Variants in IGF2BP3 observed in about 807,000 individuals in gnomAD.
The protein encoded by IGF2BP3 is insulin like growth factor 2 mRNA binding protein 3, also known as insulin-like growth factor 2 mRNA-binding protein 3.
Under a neutral mutation model 73.8 loss-of-function variants are expected in IGF2BP3, and 9 were observed. That is an observed-to-expected ratio of 0.12 (90% CI 0.07 to 0.21). The LOEUF (loss-of-function observed/expected upper bound fraction) is 0.21. Ranked by LOEUF, IGF2BP3 falls within the 10% of genes least tolerant of loss-of-function variation. The probability of loss-of-function intolerance (pLI) is 1.00; values close to 1 mark genes in which losing one functional copy is unlikely to be tolerated. For missense variants in IGF2BP3, 542 were observed against 714.0 expected (o/e 0.76, Z 2.75); for synonymous variants, 258 against 256.7 (o/e 1.01, Z -0.05).
intron 3 of IGF2BP3, chr7:23,402,419 G>A (rs537428351): frequency 6.6e-6 from 1 of 152,298 alleles, no homozygotes; most frequent in East Asian, 1.9e-4. Flanking sequence ...GATGGTAAAG[G>A]CAGTTAAGTT....
Position 23,469,912 on chromosome 7 carries a change from G to T in IGF2BP3, c.175+24C>A. On this transcript the variant is annotated intron_variant, in intron 1 of 14. Coordinates refer to ENST00000258729, the MANE Select transcript of IGF2BP3 (RefSeq NM_006547.3). This position sits in a 1 kb window ranked among gnomAD's most constrained non-coding sequence, Gnocchi z 6.1. ...CGGTGCAGGGCTGGGGCGAGAGCCCGGGTGGGGCCAGGCCCGGGCCCACCT... is the reference window on the plus strand; with the variant it reads ...CGGTGCAGGGCTGGGGCGAGAGCCCTGGTGGGGCCAGGCCCGGGCCCACCT... 1 of 1,578,472 alleles carries T rather than the reference G, an allele frequency of 6.3e-7. No individual in the cohort carries two copies.
intron 5 of IGF2BP3, 138 bp downstream of exon 5, chr7:23,361,396 A>G (rs1358459084): frequency 4.8e-6 from 3 of 627,130 alleles, no homozygotes; most frequent in Non-Finnish European, 8.3e-6. Flanking sequence ...AAAGAAAGGC[A>G]CGATTACAGG....
chr7:23,393,878 G>A (rs1717139248), intron 3 of IGF2BP3, among the ~76,000 whole-genome samples: 1 of 152,134 alleles, frequency 6.6e-6, no homozygotes, highest in Admixed American at 6.5e-5. Flanking sequence ...AAGGAAGGAG[G>A]CTGAACAAGT....
At chr7:23,322,834 A>G (rs201387657) in intron 10 of IGF2BP3, among the ~76,000 whole-genome samples, 4 of 152,146 alleles carry the variant, frequency 2.6e-5, no homozygotes, top group Admixed American at 6.6e-5. Flanking sequence ...CTTCATAAGT[A>G]AAGGAGAAAT....
intron 2 of IGF2BP3, chr7:23,431,110 T>TA (rs2128541885): frequency 6.6e-6 from 1 of 152,320 alleles, no homozygotes; most frequent in African/African-American, 2.4e-5. Context: ...TATCTGTACA[T>TA]ACACACATAC....
intron 2 of IGF2BP3, among the ~76,000 whole-genome samples, chr7:23,447,763 G>A (rs556753779): frequency 6.6e-6 from 1 of 152,158 alleles, no homozygotes; most frequent in East Asian, 1.9e-4. Flanking sequence ...AGATCTACCT[G>A]AGCTCAGGAG....
At chr7:23,314,017 G>C (rs1783905539) in intron 12 of IGF2BP3, among the ~76,000 whole-genome samples, 1 of 152,154 alleles carries the variant, frequency 6.6e-6, no homozygotes, top group Non-Finnish European at 1.5e-5. Flanking sequence ...GACATCAGTT[G>C]CATTTTTCTT....
chr7:23,464,023 A>G (rs1788508229), intron 2 of IGF2BP3, among the ~76,000 whole-genome samples: 1 of 152,330 alleles, frequency 6.6e-6, no homozygotes, highest in South Asian at 2.1e-4. Context: ...CACCTAAGCC[A>G]TACACTGATA....
chr7:23,354,695 T>C (rs1785048557), intron 5 of IGF2BP3, among the ~76,000 whole-genome samples: 3 of 152,220 alleles, frequency 2.0e-5, no homozygotes, highest in Admixed American at 2.0e-4. Flanking sequence ...GATTTTTCTT[T>C]GTGGGGAAAA....
chr7:23,370,681 T>TGG (rs1208493821), intron 3 of IGF2BP3, among the ~76,000 whole-genome samples: 1 of 148,548 alleles, frequency 6.7e-6, no homozygotes, highest in African/African-American at 2.6e-5. Flanking sequence ...TTTGGTTTTT[T>TGG]TGTTTTTTTT....
At chr7:23,392,687 T>A (rs1221265536) in intron 3 of IGF2BP3, among the ~76,000 whole-genome samples, 1 of 152,062 alleles carries the variant, frequency 6.6e-6, no homozygotes, top group South Asian at 2.1e-4. Flanking sequence ...CACAGTATGA[T>A]TGCATGATCA....
rs141995968 is a variant in IGF2BP3, at chr7:23,406,431, T to A, written c.285+12345A>T. On this transcript the variant is annotated intron_variant, in intron 3 of 14. Coordinates refer to ENST00000258729, the MANE Select transcript of IGF2BP3 (RefSeq NM_006547.3). ...TGAAGCCGTGGACTCCCACGGTGAG[T>A]GTTACAGTTCTTAAAGATGGTGTGT... Among the ~76,000 whole-genome samples the A allele has an allele frequency of 4.2e-3, 644 of 152,046 alleles. 6 individuals are homozygous for A. Among genetic ancestry groups the A allele is most frequent in the African/African-American group, 0.015 (620 of 41,474 alleles).
intron 2 of IGF2BP3, among the ~76,000 whole-genome samples, chr7:23,442,287 A>G (rs1389249349): frequency 6.6e-6 from 1 of 152,258 alleles, no homozygotes; most frequent in African/African-American, 2.4e-5. Context: ...ATCAAACTGC[A>G]AACATCAACA....
intron 2 of IGF2BP3, among the ~76,000 whole-genome samples, chr7:23,452,149 C>T (rs1040278159): frequency 1.3e-5 from 2 of 151,854 alleles, no homozygotes; most frequent in East Asian, 3.9e-4. Flanking sequence ...GGACTACAGG[C>T]GCCCGCCACC....
intron 3 of IGF2BP3, among the ~76,000 whole-genome samples, chr7:23,362,105 G>A (rs1223286198): frequency 6.6e-6 from 1 of 152,102 alleles, no homozygotes; most frequent in Non-Finnish European, 1.5e-5. Context: ...CACTAGACAA[G>A]GAACCAAGTT....
At chr7:23,445,766 T>C (rs34033684) in intron 2 of IGF2BP3, among the ~76,000 whole-genome samples, 27,805 of 152,052 alleles carry the variant, frequency 0.18, 2,902 homozygotes, top group South Asian at 0.27. Context: ...TGCAGGTGAT[T>C]AACAATTACC....
intron 2 of IGF2BP3, among the ~76,000 whole-genome samples, chr7:23,421,464 G>A (rs533793877): frequency 4.0e-5 from 6 of 151,858 alleles, no homozygotes; most frequent in African/African-American, 1.2e-4. Context: ...AGGCTGAGGT[G>A]GGCGGATCAC....
intron 2 of IGF2BP3, among the ~76,000 whole-genome samples, chr7:23,446,650 T>C (rs1213141598): frequency 6.6e-6 from 1 of 152,190 alleles, no homozygotes; most frequent in African/African-American, 2.4e-5. Context: ...TGACAGTTGC[T>C]GACAAGAATC....
At chr7:23,440,030 G>C (rs1035978307) in intron 2 of IGF2BP3, among the ~76,000 whole-genome samples, 1 of 152,158 alleles carries the variant, frequency 6.6e-6, no homozygotes, top group Non-Finnish European at 1.5e-5. Context: ...TTGGGAGGCC[G>C]AGGTGGGCAG....
Sources: allele counts gnomAD v4.1 joint callset (sites outside exome capture counted in the v4.1 genomes callset), GRCh38; gene constraint gnomAD v4.1.1; non-coding constraint Gnocchi (gnomAD v3.1); transcripts MANE v1.5; gene names NCBI Gene and HGNC (gene_info 2026-07-23, HGNC 2026-07-21).